TMEM135: variants seen among roughly 807,000 people sequenced by gnomAD.
TMEM135 encodes peroxisomal membrane protein 52.
In TMEM135, 30 loss-of-function variants were observed where a neutral mutation model predicts 60.3. That is an observed-to-expected ratio of 0.50 (90% CI 0.37 to 0.68). The LOEUF (loss-of-function observed/expected upper bound fraction) is 0.68, where lower values mean the gene tolerates loss of function less well. Ranked by LOEUF, TMEM135 falls within the 30% of genes least tolerant of loss-of-function variation. The probability of loss-of-function intolerance (pLI) is 0.00; values close to 1 mark genes in which losing one functional copy is unlikely to be tolerated. For missense variants in TMEM135, 468 were observed against 548.8 expected (o/e 0.85, Z 1.47); for synonymous variants, 190 against 186.7 (o/e 1.02, Z -0.14).
intron 5 of TMEM135, among the ~76,000 whole-genome samples, chr11:87,181,007 G>A (rs1449209031): frequency 6.6e-6 from 1 of 152,114 alleles, no homozygotes; most frequent in African/African-American, 2.4e-5. Flanking sequence ...CTGGATGCTG[G>A]AATTATGACA....
intron 5 of TMEM135, among the ~76,000 whole-genome samples, chr11:87,229,517 G>T (rs1940842311): frequency 6.6e-6 from 1 of 152,124 alleles, no homozygotes; most frequent in Admixed American, 6.5e-5. Context: ...TTCATATGCT[G>T]TTGTGGGGAG....
intron 4 of TMEM135, among the ~76,000 whole-genome samples, chr11:87,097,722 T>C (rs1857362238): frequency 6.6e-6 from 1 of 152,170 alleles, no homozygotes; most frequent in Non-Finnish European, 1.5e-5. Flanking sequence ...CAAGCATGCT[T>C]TCTCTTCAGG....
intron 9 of TMEM135, among the ~76,000 whole-genome samples, chr11:87,307,442 T>G (rs1942570249): frequency 6.6e-6 from 1 of 151,902 alleles, no homozygotes; most frequent in Admixed American, 6.6e-5. Context: ...GGATTTATTA[T>G]TCCTTCCAAC....
chr11:87,125,028 G>A (rs930293934), intron 4 of TMEM135, among the ~76,000 whole-genome samples: 1 of 152,138 alleles, frequency 6.6e-6, no homozygotes, highest in South Asian at 2.1e-4. Context: ...TTTGAGGCCA[G>A]GGCACGAATG....
chr11:87,270,651 C>G (rs1941845871), intron 6 of TMEM135, among the ~76,000 whole-genome samples: 1 of 152,108 alleles, frequency 6.6e-6, no homozygotes, highest in African/African-American at 2.4e-5. Flanking sequence ...ACTTTTTCCT[C>G]TGAAACTAAG....
At chr11:87,285,684 G>A (rs111926152) in intron 6 of TMEM135, among the ~76,000 whole-genome samples, 4 of 152,294 alleles carry the variant, frequency 2.6e-5, no homozygotes, top group African/African-American at 7.2e-5. Context: ...AGCAGCAAGA[G>A]GTATTGCAAA....
At chr11:87,100,610 A>G (rs1279607402) in intron 4 of TMEM135, among the ~76,000 whole-genome samples, 1 of 152,056 alleles carries the variant, frequency 6.6e-6, no homozygotes. Context: ...AGTAAAAGTC[A>G]TCTGTATTTT....
chr11:87,280,637 G>A (rs1942044573), intron 6 of TMEM135, among the ~76,000 whole-genome samples: 1 of 152,006 alleles, frequency 6.6e-6, no homozygotes, highest in African/African-American at 2.4e-5. Flanking sequence ...CTAAAGCACT[G>A]TGTACTTTAT....
chr11:87,308,254 G>A lies in TMEM135; in HGVS notation c.769-1251G>A, dbSNP rs188490500. On this transcript the variant is annotated intron_variant, in intron 9 of 14. Transcript: ENST00000305494. ...ATATTTTCTAAGTACATTAATGGGT[G>A]GATGAATAGTTCTCTTGAAAATAGC... Among the ~76,000 whole-genome samples, 51 of 152,170 alleles carry A rather than the reference G, an allele frequency of 3.4e-4. No individual in the cohort carries two copies. In the South Asian group the frequency reaches 5.8e-3, roughly 17 times the overall value.
chr11:87,242,776 C>T (rs1223860837), intron 6 of TMEM135, among the ~76,000 whole-genome samples: 1 of 139,820 alleles, frequency 7.2e-6, no homozygotes, highest in South Asian at 2.4e-4. Context: ...GAGTAGGTTG[C>T]AAAAATTTTC....
intron 5 of TMEM135, among the ~76,000 whole-genome samples, chr11:87,166,423 T>G (rs992251264): frequency 4.6e-5 from 7 of 151,740 alleles, no homozygotes; most frequent in Admixed American, 1.3e-4. Context: ...TCTTCTAGGG[T>G]TTTTATGGTT....
At chr11:87,222,251 C>G (rs545130762) in intron 5 of TMEM135, among the ~76,000 whole-genome samples, 28 of 150,034 alleles carry the variant, frequency 1.9e-4, no homozygotes, top group South Asian at 6.3e-4. Context: ...AATCCCAGCA[C>G]TTTGGGTGGC....
intron 4 of TMEM135, among the ~76,000 whole-genome samples, chr11:87,120,869 A>G (rs1219264967): frequency 6.6e-6 from 1 of 152,180 alleles, no homozygotes; most frequent in Non-Finnish European, 1.5e-5. Context: ...GAACTTTGTT[A>G]TCTTGAATTA....
intron 4 of TMEM135, among the ~76,000 whole-genome samples, chr11:87,137,098 C>T (rs527788536): frequency 2.0e-5 from 3 of 152,064 alleles, no homozygotes; most frequent in Non-Finnish European, 2.9e-5. Context: ...ACTATAGTTA[C>T]GGATTTGTGA....
In TMEM135 at chr11:87,326,673, C is replaced by T. The variant is rs1406997264; in HGVS notation, c.*5340C>T. 2.2e-6 allele frequency: 1 copy of T among 453,786 alleles called. No homozygotes were observed. Among genetic ancestry groups the T allele is most frequent in the African/African-American group, 2.0e-5 (1 of 49,970 alleles). 28.1% of individuals were successfully genotyped at this position (453,786 alleles called of 1,614,324 possible). A position where few individuals can be genotyped will look rare whatever the true frequency, so the allele number is the denominator to read the frequency against. On this transcript the variant is annotated 3_prime_UTR_variant, in exon 15 of 15. Coordinates refer to ENST00000305494, the MANE Select transcript of TMEM135 (RefSeq NM_022918.4). ...GCCATATCTTTGCTATGTATTTCTT[C>T]ATCTTGAGCTCTCAAGGGAAAAAAC...
chr11:87,190,195 C>T (rs17212655), intron 5 of TMEM135, among the ~76,000 whole-genome samples: 32,265 of 152,082 alleles, frequency 0.21, 4,010 homozygotes, highest in East Asian at 0.54. Flanking sequence ...GACTTCAAAG[C>T]TCTTACTACT....
At chr11:87,143,748 T>A (rs192680211) in intron 4 of TMEM135, among the ~76,000 whole-genome samples, 199 of 152,336 alleles carry the variant, frequency 1.3e-3, no homozygotes, top group African/African-American at 4.4e-3. Context: ...TCAGTCTTTC[T>A]GTGGATCTTT....
intron 1 of TMEM135, among the ~76,000 whole-genome samples, chr11:87,063,172 CAT>C (rs1380373113): frequency 6.6e-6 from 1 of 152,128 alleles, no homozygotes; most frequent in East Asian, 1.9e-4. Flanking sequence ...TCTGTATGTT[CAT>C]TACAAATTAT....
intron 6 of TMEM135, among the ~76,000 whole-genome samples, chr11:87,258,369 C>T (rs2135398635): frequency 6.6e-6 from 1 of 152,142 alleles, no homozygotes; most frequent in East Asian, 1.9e-4. Flanking sequence ...CAGCCTCTTT[C>T]CTCTTATACA....
Sources: gnomAD v4.1 joint callset for allele counts (sites outside exome capture counted in the v4.1 genomes callset) on GRCh38, gnomAD v4.1.1 for gene constraint, MANE v1.5 for transcripts, NCBI Gene and HGNC (gene_info 2026-07-23, HGNC 2026-07-21) for gene names.